Variants in JCAD observed in about 807,000 individuals in gnomAD.
JCAD encodes the protein junctional cadherin 5-associated protein.
In JCAD, 40 loss-of-function variants were observed where a neutral mutation model predicts 98.0. The observed-to-expected ratio is 0.41, with a 90% CI of 0.32 to 0.53. The LOEUF (loss-of-function observed/expected upper bound fraction) is 0.53, where lower values mean the gene tolerates loss of function less well. Among genes scored for constraint, JCAD ranks in the 20% least tolerant of loss-of-function variants. The pLI is 0.31. For synonymous variants in JCAD, 691 were observed against 682.3 expected (o/e 1.01, Z -0.20); for missense variants, 1,705 against 1,738.1 (o/e 0.98, Z 0.34).
chr10:30,064,179 A>T (rs1235683578), upstream of JCAD, among the ~76,000 whole-genome samples: 1 of 152,102 alleles, frequency 6.6e-6, no homozygotes, highest in Non-Finnish European at 1.5e-5. Context: ...CTATTCATGG[A>T]TTAATAGATT....
chr10:30,069,180 A>G (rs1371739135), intron 2 of JCAD, among the ~76,000 whole-genome samples: 1 of 152,120 alleles, frequency 6.6e-6, no homozygotes, highest in African/African-American at 2.4e-5. Context: ...ATTTTTGAAT[A>G]CCTCTGAAGT....
intron 2 of JCAD, among the ~76,000 whole-genome samples, chr10:30,036,463 A>AAC (rs1554796720): frequency 2.4e-4 from 36 of 151,036 alleles, no homozygotes; most frequent in African/African-American, 8.6e-4. Flanking sequence ...AAAAAAAAAA[A>AAC]CAAAAAAAAT....
At chr10:30,102,400 A>G (rs1838487762) in intron 1 of JCAD, among the ~76,000 whole-genome samples, 1 of 151,988 alleles carries the variant, frequency 6.6e-6, no homozygotes, top group Admixed American at 6.6e-5. Context: ...CAAACTCCTG[A>G]CCTCAGATGA....
intron 2 of JCAD, among the ~76,000 whole-genome samples, chr10:30,033,794 G>T (rs1328354483): frequency 2.0e-5 from 3 of 152,206 alleles, no homozygotes; most frequent in African/African-American, 7.2e-5. Flanking sequence ...TGGGGCCTGG[G>T]CTGCAGGAGA....
Position 30,027,097 on chromosome 10 carries a change from C to A in JCAD, c.3051G>T (p.Ala1017=). 6.2e-7 allele frequency: 1 copy of A among 1,614,190 alleles called. No homozygotes were observed. Among genetic ancestry groups the A allele is most frequent in the Non-Finnish European group, 8.5e-7 (1 of 1,180,040 alleles). The change falls in exon 3 of 4, where the codon GCG becomes GCT. Residue 1017 remains alanine (A), a synonymous_variant. Transcript: ENST00000375377. Reference sequence around the variant, plus strand: ...CACCACTGTCAAACTTCCGAGGGACCGCTTCACTTGGTTTCACAGAGCTGA... The same window carrying A: ...CACCACTGTCAAACTTCCGAGGGACAGCTTCACTTGGTTTCACAGAGCTGA... ...SAFSSVKPSE[A]VPRKFDSGGE... is the part of the protein sequence containing the mutation.
At chr10:30,022,208 A>G (rs1250180660) in intron 3 of JCAD, among the ~76,000 whole-genome samples, 1 of 152,176 alleles carries the variant, frequency 6.6e-6, no homozygotes, top group African/African-American at 2.4e-5. Flanking sequence ...ACCAACTTTA[A>G]TCTCAAGACA....
upstream of JCAD, among the ~76,000 whole-genome samples, chr10:30,059,899 C>G (rs1342987304): frequency 6.6e-6 from 1 of 152,150 alleles, no homozygotes; most frequent in Non-Finnish European, 1.5e-5. This position sits in a 1 kb window ranked among gnomAD's most constrained non-coding sequence, Gnocchi z 5.0. Context: ...TACACCCACA[C>G]ACAGATGCAC....
rs1268762565 is a variant in JCAD, at chr10:30,027,692, A to T, written c.2456T>A (p.Phe819Tyr). ...ACGACGGCTGACCGGTTTCAGGAGA[A>T]ACTGCCCAAAGAGTTGTTTACTGTT... Reference protein sequence around the residue: ...PCNSKQLFGQFLLKPVSRRPW... With the variant: ...PCNSKQLFGQYLLKPVSRRPW... The change falls in exon 3 of 4, where the codon TTT (phenylalanine) becomes TAT (tyrosine). Residue 819 changes from phenylalanine to tyrosine, a missense_variant. This residue lies in a region of JCAD where 1,278 missense variants were observed against 1,243.1 expected (regional missense o/e 1.03). Transcript: ENST00000375377. 1.2e-6 allele frequency: 2 copies of T among 1,614,232 alleles called. No individual in the cohort carries two copies. Among genetic ancestry groups the T allele is most frequent in the Non-Finnish European group, 8.5e-7 (1 of 1,180,044 alleles).
At position 30,015,757 on chromosome 10, in the gene JCAD, C is replaced by T. The variant is rs907469502; in HGVS notation, c.*2126G>A. 6.6e-6 allele frequency: 1 copy of T among 152,162 alleles called. No homozygotes were observed. Among genetic ancestry groups the T allele is most frequent in the African/African-American group, 2.4e-5 (1 of 41,442 alleles). The allele number at this position is 152,162 out of a possible 1,614,324, so 9.4% of individuals were successfully genotyped here. On this transcript the variant is annotated 3_prime_UTR_variant, in exon 4 of 4. Coordinates refer to ENST00000375377, the MANE Select transcript of JCAD (RefSeq NM_020848.4). ...AGGAAATCAGAACGGAGTTCATATA[C>T]ATGTATGGGTATGTGTGCATACATG...
intron 1 of JCAD, among the ~76,000 whole-genome samples, chr10:30,109,667 G>A (rs941956748): frequency 2.0e-5 from 3 of 152,212 alleles, no homozygotes; most frequent in Non-Finnish European, 4.4e-5. Flanking sequence ...AGGGTTGGGT[G>A]GATGGTGGAA....
chr10:30,054,085 T>C (rs1353353146), intron 1 of JCAD, among the ~76,000 whole-genome samples: 1 of 152,198 alleles, frequency 6.6e-6, no homozygotes, highest in Admixed American at 6.5e-5. Context: ...TGCATCCATA[T>C]AGTGGACTAT....
At chr10:30,100,604 G>A (rs146055413) in intron 1 of JCAD, among the ~76,000 whole-genome samples, 7 of 152,258 alleles carry the variant, frequency 4.6e-5, no homozygotes, top group East Asian at 3.9e-4. Context: ...CGCTGGTCTC[G>A]AACTCCGAAC....
chr10:30,061,856 C>T (rs543522974), upstream of JCAD, among the ~76,000 whole-genome samples: 509 of 152,172 alleles, frequency 3.3e-3, 7 homozygotes, highest in African/African-American at 0.012. Context: ...CCTCAATTTG[C>T]CAACTCAATG....
At chr10:30,021,710 C>A (rs1836663126) in intron 3 of JCAD, among the ~76,000 whole-genome samples, 1 of 152,132 alleles carries the variant, frequency 6.6e-6, no homozygotes, top group African/African-American at 2.4e-5. Context: ...TTGCATGAGC[C>A]ATATTTCAAG....
At chr10:30,087,508 C>T (rs990982278) in intron 1 of JCAD, among the ~76,000 whole-genome samples, 9 of 152,134 alleles carry the variant, frequency 5.9e-5, no homozygotes, top group African/African-American at 2.2e-4. Flanking sequence ...CAGTCTAGCA[C>T]TTTACTCCTC....
intron 1 of JCAD, among the ~76,000 whole-genome samples, chr10:30,109,106 C>T (rs1319967637): frequency 6.6e-6 from 1 of 152,074 alleles, no homozygotes; most frequent in Non-Finnish European, 1.5e-5. Flanking sequence ...CCCTCCCCAG[C>T]CCCCATGCTT....
At chr10:30,056,881 C>T (rs989923042) in intron 1 of JCAD, among the ~76,000 whole-genome samples, 1 of 152,112 alleles carries the variant, frequency 6.6e-6, no homozygotes, top group Non-Finnish European at 1.5e-5. Flanking sequence ...TATATCAAAG[C>T]CCAACACCTC....
At chr10:30,107,898 T>TA (rs1007443027) in intron 1 of JCAD, among the ~76,000 whole-genome samples, 15 of 151,078 alleles carry the variant, frequency 9.9e-5, no homozygotes, top group South Asian at 2.1e-4. Context: ...CCTTAAAACT[T>TA]AAAAAAAAAT....
At chr10:30,018,732 C>T (rs7071535) in intron 3 of JCAD, among the ~76,000 whole-genome samples, 58,584 of 151,994 alleles carry the variant, frequency 0.39, 11,352 homozygotes, top group Middle Eastern at 0.44. Flanking sequence ...ACCTAAGGCT[C>T]ACACGTGCGC....
Sources: gnomAD v4.1 joint callset for allele counts (sites outside exome capture counted in the v4.1 genomes callset) on GRCh38, gnomAD v4.1.1 for gene constraint, gnomAD v4.1.1 regional missense constraint, Gnocchi (gnomAD v3.1) non-coding constraint, MANE v1.5 for transcripts, NCBI Gene and HGNC (gene_info 2026-07-23, HGNC 2026-07-21) for gene names.